ZNF831: variants seen among roughly 807,000 people sequenced by gnomAD.
The protein encoded by ZNF831 is chromosome 20 open reading frame 174.
In ZNF831, 59 loss-of-function variants were observed where a neutral mutation model predicts 95.8. That is an observed-to-expected ratio of 0.62 (90% CI 0.50 to 0.77). ZNF831 has a LOEUF of 0.77. Ranked by LOEUF, ZNF831 falls within the 30% of genes least tolerant of loss-of-function variation. ZNF831 has a pLI of 0.00. For missense variants in ZNF831, 2,205 were observed against 2,164.0 expected (o/e 1.02, Z -0.38); for synonymous variants, 961 against 925.5 (o/e 1.04, Z -0.70).
chr20:59,158,377 C>T (rs1980657014), intron 2 of ZNF831, among the ~76,000 whole-genome samples: 1 of 152,204 alleles, frequency 6.6e-6, no homozygotes, highest in African/African-American at 2.4e-5. Flanking sequence ...TATTTCCAAA[C>T]AGTCTGTGCT....
At position 59,248,831 on chromosome 20, in the gene ZNF831, T is replaced by C. The variant is rs78120397; in HGVS notation, c.4028-4147T>C. ...CTTGAATCCACCCCTTTTTTCCCTTTCTATTTCTGGTGCCCTAGTCAAGCC... is the reference window on the plus strand; with the variant it reads ...CTTGAATCCACCCCTTTTTTCCCTTCCTATTTCTGGTGCCCTAGTCAAGCC... On this transcript the variant is annotated intron_variant, in intron 4 of 5. Coordinates refer to ENST00000371030, the MANE Select transcript of ZNF831 (RefSeq NM_178457.3). Among the ~76,000 whole-genome samples, 526 of 152,132 alleles carry C rather than the reference T, an allele frequency of 3.5e-3. 2 individuals carry two copies. Among genetic ancestry groups the C allele is most frequent in the Admixed American group, 7.8e-3 (119 of 15,288 alleles).
At chr20:59,127,041 C>G (rs1486311453) in intron 1 of ZNF831, among the ~76,000 whole-genome samples, 1 of 152,166 alleles carries the variant, frequency 6.6e-6, no homozygotes, top group East Asian at 1.9e-4. Context: ...TACCTCATGA[C>G]TTCTCGTCTG....
rs911927078 is a variant in ZNF831, at chr20:59,213,013, A to G, written c.4027+5957A>G. ...GAATCAGACTAGGTGACAAATGAAC[A>G]AGAGAAAAGTGACAAAGATGATAAC... On this transcript the variant is annotated intron_variant, in intron 4 of 5. Transcript: ENST00000371030. 3.9e-5 allele frequency among the ~76,000 whole-genome samples: 6 copies of G among 152,242 alleles called. No homozygotes were observed. In the East Asian group the frequency reaches 9.6e-4, roughly 24 times the overall value.
chr20:59,170,944 T>G (rs2146494176), intron 1 of ZNF831, among the ~76,000 whole-genome samples: 1 of 152,316 alleles, frequency 6.6e-6, no homozygotes, highest in African/African-American at 2.4e-5. Flanking sequence ...TATGGGAGTC[T>G]GGCACTAGTG....
intron 3 of ZNF831, 120 bp downstream of exon 3, chr20:59,196,125 C>T: frequency 3.6e-6 from 5 of 1,370,440 alleles, no homozygotes; most frequent in Non-Finnish European, 4.9e-6. Flanking sequence ...TTTAGAGCTT[C>T]ATGATTAAAG....
chr20:59,253,879 CCTTTG>C lies in ZNF831; in HGVS notation c.4189-17_4189-13del. 2.0e-6 allele frequency: 1 copy of C among 489,124 alleles called. No homozygotes were observed. Among genetic ancestry groups the C allele is most frequent in the South Asian group, 4.5e-5 (1 of 22,432 alleles). The allele number at this position is 489,124 out of a possible 1,614,324, so 30.3% of individuals were successfully genotyped here. The stretch of plus-strand genomic sequence containing the variant: ...TAACCTCCCCCCCCACTTTTTTTTT[CCTTTG>C]CACTTTGTTGCAGGATATTTCTCCA... On this transcript the variant is annotated splice_polypyrimidine_tract_variant and intron_variant, in intron 5 of 5. Transcript: ENST00000371030.
intron 4 of ZNF831, among the ~76,000 whole-genome samples, chr20:59,233,645 C>A (rs1375384337): frequency 2.0e-5 from 3 of 152,190 alleles, no homozygotes; most frequent in Non-Finnish European, 2.9e-5. Context: ...TCCAAAATAC[C>A]TTGCATTCAA....
intron 1 of ZNF831, among the ~76,000 whole-genome samples, chr20:59,190,562 A>T (rs1441245158): frequency 6.6e-6 from 1 of 152,244 alleles, no homozygotes; most frequent in Non-Finnish European, 1.5e-5. Context: ...GATTTGTGCA[A>T]GTGCACGGAA....
chr20:59,125,988 A>G (rs1439868777), intron 1 of ZNF831, among the ~76,000 whole-genome samples: 1 of 151,382 alleles, frequency 6.6e-6, no homozygotes, highest in Non-Finnish European at 1.5e-5. Context: ...GGTGTGTTTG[A>G]GTTCAGCAGG....
chr20:59,196,120 A>G, intron 3 of ZNF831, 115 bp downstream of exon 3: 2 of 1,404,272 alleles, frequency 1.4e-6, no homozygotes, highest in East Asian at 2.4e-5. Context: ...TAGGGTTTAG[A>G]GCTTCATGAT....
At chr20:59,165,683 A>G (rs1249669604) in intron 1 of ZNF831, among the ~76,000 whole-genome samples, 1 of 152,144 alleles carries the variant, frequency 6.6e-6, no homozygotes. Flanking sequence ...TGTTCTCAGT[A>G]CTGGCTTGTT....
At chr20:59,167,855 CAG>C (rs1223110770) in intron 1 of ZNF831, among the ~76,000 whole-genome samples, 2 of 151,566 alleles carry the variant, frequency 1.3e-5, no homozygotes, top group African/African-American at 4.9e-5. Context: ...GCCTGGGTGA[CAG>C]AGCAAGACTC....
intron 1 of ZNF831, among the ~76,000 whole-genome samples, chr20:59,178,497 C>A (rs529727426): frequency 6.6e-6 from 1 of 152,300 alleles, no homozygotes; most frequent in African/African-American, 2.4e-5. Context: ...TTATTGAACA[C>A]CTGCTATGTG....
At chr20:59,168,270 A>G (rs912087127) in intron 1 of ZNF831, among the ~76,000 whole-genome samples, 1 of 152,208 alleles carries the variant, frequency 6.6e-6, no homozygotes, top group African/African-American at 2.4e-5. Context: ...TTAGTTCATC[A>G]GTGTTTTGTA....
At position 59,254,816 on chromosome 20, in the gene ZNF831, G is replaced by A. The variant is rs781623899; in HGVS notation, c.*73G>A. 49 of 1,524,398 alleles carry A rather than the reference G, an allele frequency of 3.2e-5. No individual in the cohort carries two copies. Among genetic ancestry groups the A allele is most frequent in the African/African-American group, 8.4e-5 (6 of 71,846 alleles). 94.4% of individuals were successfully genotyped at this position (1,524,398 alleles called of 1,614,324 possible). A position where few individuals can be genotyped will look rare whatever the true frequency, so the allele number is the denominator to read the frequency against. ...CACAAGTAAATGTTGTCAGGCTGGC[G>A]GAAGAACTAAACTCTATCTGTGAAA... On this transcript the variant is annotated 3_prime_UTR_variant, in exon 6 of 6. Coordinates refer to ENST00000371030, the MANE Select transcript of ZNF831 (RefSeq NM_178457.3). The surrounding 1 kb of genome is among the most constrained non-coding windows in gnomAD (Gnocchi z 4.5).
At chr20:59,203,049 T>C (rs1215016751) in intron 3 of ZNF831, among the ~76,000 whole-genome samples, 2 of 152,172 alleles carry the variant, frequency 1.3e-5, no homozygotes, top group Non-Finnish European at 2.9e-5. Context: ...AATGATGGTT[T>C]TTTCATTAAG....
intron 4 of ZNF831, among the ~76,000 whole-genome samples, chr20:59,238,045 A>T (rs939332303): frequency 6.6e-6 from 1 of 152,178 alleles, no homozygotes; most frequent in African/African-American, 2.4e-5. Context: ...GTTCACCTGA[A>T]ACTCATATGG....
At chr20:59,211,053 A>G (rs1178877363) in intron 4 of ZNF831, among the ~76,000 whole-genome samples, 2 of 79,080 alleles carry the variant, frequency 2.5e-5, no homozygotes, top group East Asian at 5.0e-4. Flanking sequence ...AAAAAAGAAA[A>G]AAAAAAAAAA....
rs768146172 is a variant in ZNF831, at chr20:59,253,078, A to G, written c.4128A>G (p.Gly1376=). 1 of 1,614,160 alleles carries G rather than the reference A, an allele frequency of 6.2e-7. No homozygotes were observed. The highest frequency in any genetic ancestry group is 8.5e-7 in the Non-Finnish European group (1 of 1,180,020). ...KKEGDCRQTL[G]TLSLGTSSRI... ...AAGGTGACTGCAGACAAACCTTAGGAACCCTCTCTCTTGGTACAAGTTCAA... is the reference window on the plus strand; with the variant it reads ...AAGGTGACTGCAGACAAACCTTAGGGACCCTCTCTCTTGGTACAAGTTCAA... Residue 1376 remains glycine, a synonymous_variant, in exon 5 of 6, where the codon GGA becomes GGG. Coordinates refer to ENST00000371030, the MANE Select transcript of ZNF831 (RefSeq NM_178457.3).
Sources: gnomAD v4.1 joint callset for allele counts (sites outside exome capture counted in the v4.1 genomes callset) on GRCh38, gnomAD v4.1.1 for gene constraint, Gnocchi (gnomAD v3.1) non-coding constraint, MANE v1.5 for transcripts, NCBI Gene and HGNC (gene_info 2026-07-23, HGNC 2026-07-21) for gene names.